Variants in NAPB observed in about 807,000 individuals in gnomAD.
NAPB encodes beta-soluble NSF attachment protein.
A neutral mutation model predicts 44.7 loss-of-function variants in NAPB; 26 were observed. The observed-to-expected ratio is 0.58, with a 90% CI of 0.43 to 0.81. The LOEUF (loss-of-function observed/expected upper bound fraction) is 0.81. NAPB is among the 30% of genes least tolerant of loss of function. The pLI, the probability that NAPB is intolerant of heterozygous loss-of-function variation, is 0.00. For synonymous variants in NAPB, 120 were observed against 116.8 expected (o/e 1.03, Z -0.18); for missense variants, 315 against 356.4 (o/e 0.88, Z 0.94).
chr20:23,384,577 G>T (rs117688415), intron 7 of NAPB, among the ~76,000 whole-genome samples: 4 of 151,178 alleles, frequency 2.6e-5, no homozygotes, highest in Non-Finnish European at 5.9e-5. Flanking sequence ...AGCCAGGGTC[G>T]CACCATTTCC....
intron 1 of NAPB, among the ~76,000 whole-genome samples, chr20:23,416,798 TG>T (rs1347380416): frequency 6.6e-6 from 1 of 152,206 alleles, no homozygotes. Flanking sequence ...TGTTATCACA[TG>T]GCCCCACCAT....
chr20:23,391,032 C>T (rs529235129), intron 5 of NAPB, among the ~76,000 whole-genome samples: 5 of 152,082 alleles, frequency 3.3e-5, no homozygotes, highest in Non-Finnish European at 7.4e-5. Flanking sequence ...GAACTGGTGT[C>T]GGCCAGGTGC....
intron 7 of NAPB, among the ~76,000 whole-genome samples, chr20:23,388,510 T>C (rs1983698307): frequency 6.6e-6 from 1 of 152,124 alleles, no homozygotes; most frequent in Non-Finnish European, 1.5e-5. Context: ...ACTTCAAAAC[T>C]TACTGCAAAG....
chr20:23,394,756 AC>A (rs149066740), intron 5 of NAPB, among the ~76,000 whole-genome samples, 165 bp downstream of exon 5: 3,730 of 152,274 alleles, frequency 0.024, 147 homozygotes, highest in African/African-American at 0.084. Flanking sequence ...CTCCAGGAAA[AC>A]AGCCCATCTA....
chr20:23,399,284 C>T (rs1984644129), intron 2 of NAPB, among the ~76,000 whole-genome samples: 3 of 152,080 alleles, frequency 2.0e-5, no homozygotes, highest in Admixed American at 2.0e-4. Flanking sequence ...TCCAATTTGA[C>T]AGTATTAAGA....
intron 7 of NAPB, among the ~76,000 whole-genome samples, chr20:23,385,909 T>G (rs1179921907): frequency 6.6e-6 from 1 of 152,134 alleles, no homozygotes; most frequent in Non-Finnish European, 1.5e-5. Context: ...TATGCCAAGA[T>G]AGACCATATC....
At chr20:23,402,701 C>T (rs998577367) in intron 2 of NAPB, among the ~76,000 whole-genome samples, 3 of 152,086 alleles carry the variant, frequency 2.0e-5, no homozygotes, top group Non-Finnish European at 4.4e-5. Flanking sequence ...ACTCTAATTC[C>T]AAGTAATTTT....
At chr20:23,395,292 T>C (rs1984273131) in intron 3 of NAPB, 107 bp from the exon 4 acceptor site, 3 of 1,185,856 alleles carry the variant, frequency 2.5e-6, no homozygotes. Flanking sequence ...GAGGTATAAT[T>C]TTGGAGTGGA....
rs560123274 is a variant in NAPB, at chr20:23,377,372, C to T, written c.*4G>A. On this transcript the variant is annotated 3_prime_UTR_variant, in exon 11 of 11. Coordinates refer to ENST00000377026, the MANE Select transcript of NAPB (RefSeq NM_022080.3). ...TAGCTGCATGCCACAAAGACAAAAA[C>T]ATTTCATTTTAGGTCTCCATCTCCT... 52 of 1,571,898 alleles carry T rather than the reference C, an allele frequency of 3.3e-5. No homozygotes were observed. In the South Asian group the frequency reaches 4.7e-4, roughly 14 times the overall value.
intron 3 of NAPB, 109 bp downstream of exon 3, chr20:23,396,963 C>T: frequency 8.7e-7 from 1 of 1,155,856 alleles, no homozygotes; most frequent in Non-Finnish European, 1.2e-6. Context: ...TACAAAAATT[C>T]CTTTTTACCA....
chr20:23,412,908 A>T (rs1045929512), intron 1 of NAPB, among the ~76,000 whole-genome samples: 4 of 152,306 alleles, frequency 2.6e-5, no homozygotes, highest in East Asian at 1.9e-4. Context: ...AGGCAGGAGA[A>T]TCGCTTGAAC....
intron 2 of NAPB, among the ~76,000 whole-genome samples, chr20:23,399,152 G>C (rs1984630680): frequency 6.6e-6 from 1 of 152,044 alleles, no homozygotes; most frequent in Admixed American, 6.5e-5. Flanking sequence ...CTGTACCACA[G>C]TTTCTGATTA....
intron 2 of NAPB, among the ~76,000 whole-genome samples, chr20:23,402,347 G>C (rs1984914551): frequency 6.6e-6 from 1 of 152,150 alleles, no homozygotes; most frequent in Non-Finnish European, 1.5e-5. Context: ...TCGCTGAAGG[G>C]AGAGGGATGA....
intron 1 of NAPB, among the ~76,000 whole-genome samples, chr20:23,418,908 C>T (rs1022524743): frequency 6.6e-6 from 1 of 151,986 alleles, no homozygotes; most frequent in African/African-American, 2.4e-5. Flanking sequence ...CATCCCGCCA[C>T]TGCAATCCAG....
Position 23,379,488 on chromosome 20 carries a change from A to G in NAPB, c.743T>C (p.Leu248Pro), listed in dbSNP as rs1982826559. Residue 248 changes from leucine (L) to proline (P), a missense_variant, in exon 10 of 11, where the codon CTA becomes CCA. Leu to Pro is a moderately conservative substitution (Grantham distance 98, BLOSUM62 -3). Around this residue, in one of 3 missense-constraint regions of NAPB, gnomAD observed 120 missense variants for 130.5 expected, o/e 0.92. Coordinates refer to ENST00000377026, the MANE Select transcript of NAPB (RefSeq NM_022080.3). ...ACTGTTCTGTTCTTCATGAGCTTCTAGGAGTTTCTGGTAGCATAAAAATAT... is the reference window on the plus strand; with the variant it reads ...ACTGTTCTGTTCTTCATGAGCTTCTGGGAGTTTCTGGTAGCATAAAAATAT... ...SRECKLLKKL[L>P]EAHEEQNSEA... 1 of 1,607,654 alleles carries G rather than the reference A, an allele frequency of 6.2e-7. No homozygotes were observed.
intron 1 of NAPB, among the ~76,000 whole-genome samples, chr20:23,418,857 G>A (rs1288468775): frequency 2.6e-5 from 4 of 151,986 alleles, no homozygotes; most frequent in Admixed American, 6.6e-5. Context: ...TGAGGCAGGA[G>A]AATCGCTTGA....
At chr20:23,401,690 G>A (rs1323087408) in intron 2 of NAPB, among the ~76,000 whole-genome samples, 2 of 152,166 alleles carry the variant, frequency 1.3e-5, no homozygotes, top group African/African-American at 4.8e-5. Flanking sequence ...AGACCACCCT[G>A]GGCAACATGG....
At chr20:23,397,336 C>T in intron 2 of NAPB, 148 bp from the exon 3 acceptor site, 1 of 907,760 alleles carries the variant, frequency 1.1e-6, no homozygotes, top group Non-Finnish European at 1.6e-6. Context: ...TCCAGTGCAC[C>T]TCGGGCAAAT....
At position 23,421,351 on chromosome 20, in the gene NAPB, C is replaced by T; in HGVS notation, c.52G>A (p.Glu18Lys). ...REAVQLMAEAEKRVKASHSFL... is the reference protein window; with the variant it reads ...REAVQLMAEAKKRVKASHSFL... ...GAGTGGGAGGCCTTGACTCGCTTCT[C>T]GGCCTCCGCCATCAGCTGTACTGCC... Residue 18 changes from glutamate to lysine, a missense_variant, in exon 1 of 11, where the codon GAG becomes AAG. By Grantham distance (56) the Glu-to-Lys change is moderately conservative (BLOSUM62 1). Around this residue, in one of 3 missense-constraint regions of NAPB, gnomAD observed 179 missense variants for 182.5 expected, o/e 0.98. Coordinates refer to ENST00000377026, the MANE Select transcript of NAPB (RefSeq NM_022080.3). 3 of 1,563,066 alleles carry T rather than the reference C, an allele frequency of 1.9e-6. No homozygotes were observed. The highest frequency in any genetic ancestry group is 2.4e-5 in the East Asian group (1 of 41,478).
Sources: allele counts gnomAD v4.1 joint callset (sites outside exome capture counted in the v4.1 genomes callset), GRCh38; gene constraint gnomAD v4.1.1; regional missense constraint gnomAD v4.1.1; transcripts MANE v1.5; gene names NCBI Gene and HGNC (gene_info 2026-07-23, HGNC 2026-07-21).